The following TOX variants were observed in gnomAD, a reference collection of about 807,000 sequenced individuals.
TOX encodes the protein thymocyte selection associated high mobility group box, also known as thymocyte selection-associated high mobility group box protein TOX.
A neutral mutation model predicts 53.7 loss-of-function variants in TOX; 11 were observed. The observed-to-expected ratio is 0.20, with a 90% CI of 0.13 to 0.34. The LOEUF (loss-of-function observed/expected upper bound fraction) is 0.34, where lower values mean the gene tolerates loss of function less well. TOX is among the 10% of genes least tolerant of loss of function. The pLI is 1.00. For missense variants in TOX, 570 were observed against 664.6 expected, an observed-to-expected ratio of 0.86 and a Z score of 1.56; for synonymous variants, 225 against 245.3, an observed-to-expected ratio of 0.92 and a Z score of 0.77.
intron 1 of TOX, among the ~76,000 whole-genome samples, chr8:58,997,757 T>C (rs1019054740): frequency 3.9e-5 from 6 of 152,218 alleles, no homozygotes; most frequent in African/African-American, 7.2e-5. Context: ...TTATTTATAG[T>C]AGGATTATAC....
chr8:59,048,126 T>C (rs538723864), intron 1 of TOX, among the ~76,000 whole-genome samples: 92 of 152,312 alleles, frequency 6.0e-4, no homozygotes, highest in Admixed American at 1.7e-3. Flanking sequence ...AAGATCAAAA[T>C]GGCCATGATC....
At chr8:59,003,743 T>C (rs1033182376) in intron 1 of TOX, among the ~76,000 whole-genome samples, 1 of 152,246 alleles carries the variant, frequency 6.6e-6, no homozygotes, top group Admixed American at 6.5e-5. Flanking sequence ...TTTTTTATTA[T>C]GAAAACCTTG....
In TOX at chr8:58,815,653, G is replaced by A; in HGVS notation, c.1077C>T (p.Phe359=). 6.2e-7 allele frequency: 1 copy of A among 1,614,132 alleles called. No individual in the cohort carries two copies. Among genetic ancestry groups the A allele is most frequent in the Non-Finnish European group, 8.5e-7 (1 of 1,180,008 alleles). ...CCGAGTGGGCCTGGCTGGGCCCATGGAACACCGACGGCTTCGAATTGATCA... is the reference window on the plus strand; with the variant it reads ...CCGAGTGGGCCTGGCTGGGCCCATGAAACACCGACGGCTTCGAATTGATCA... ...PQLINSKPSV[F]HGPSQAHSAL... The change falls in exon 7 of 9, where the codon TTC becomes TTT. Residue 359 remains phenylalanine (F), a synonymous_variant. Transcript: ENST00000361421.
At chr8:58,988,497 C>T (rs1443669740) in intron 1 of TOX, among the ~76,000 whole-genome samples, 1 of 152,180 alleles carries the variant, frequency 6.6e-6, no homozygotes, top group Non-Finnish European at 1.5e-5. Context: ...ATGCCAACCC[C>T]TGAGCTAAGT....
intron 1 of TOX, among the ~76,000 whole-genome samples, chr8:58,982,490 C>T (rs1376243962): frequency 1.3e-5 from 2 of 152,176 alleles, no homozygotes; most frequent in East Asian, 1.9e-4. Context: ...CTCTTCTTCC[C>T]TCTAAAACTG....
At chr8:58,933,135 A>G (rs1213879742) in intron 3 of TOX, among the ~76,000 whole-genome samples, 1 of 152,196 alleles carries the variant, frequency 6.6e-6, no homozygotes, top group African/African-American at 2.4e-5. Flanking sequence ...CCTTTCTTTG[A>G]GGCCATTCTA....
At chr8:58,820,396 G>A (rs1208913231) in intron 6 of TOX, among the ~76,000 whole-genome samples, 2 of 151,964 alleles carry the variant, frequency 1.3e-5, no homozygotes, top group Admixed American at 6.6e-5. Context: ...GAATCTGATT[G>A]CCTTTATTTA....
chr8:58,861,833 A>G (rs1432764196), intron 3 of TOX, among the ~76,000 whole-genome samples: 2 of 152,202 alleles, frequency 1.3e-5, no homozygotes, highest in African/African-American at 4.8e-5. Flanking sequence ...GCAAAAATAG[A>G]GATGTCAAGT....
chr8:58,836,308 T>C (rs1810544887), intron 5 of TOX, among the ~76,000 whole-genome samples: 1 of 152,110 alleles, frequency 6.6e-6, no homozygotes, highest in Non-Finnish European at 1.5e-5. Context: ...CCAACATCAG[T>C]TGGGAACCAC....
intron 2 of TOX, among the ~76,000 whole-genome samples, chr8:58,949,044 G>A (rs1023660455): frequency 5.3e-5 from 8 of 152,254 alleles, no homozygotes; most frequent in Middle Eastern, 3.4e-3. Flanking sequence ...CTTAGTAGAT[G>A]TATTTACTTA....
At chr8:58,816,884 C>A (rs964304649) in intron 6 of TOX, among the ~76,000 whole-genome samples, 1 of 152,078 alleles carries the variant, frequency 6.6e-6, no homozygotes, top group Non-Finnish European at 1.5e-5. Flanking sequence ...AAACTCAGGC[C>A]GGGTAGCTTC....
intron 1 of TOX, among the ~76,000 whole-genome samples, chr8:58,987,795 G>A (rs965929697): frequency 2.0e-5 from 3 of 152,160 alleles, no homozygotes; most frequent in Non-Finnish European, 4.4e-5. Flanking sequence ...GGCTCACAGA[G>A]GCACTCAGAG....
At chr8:59,030,145 G>C (rs1814328225) in intron 1 of TOX, among the ~76,000 whole-genome samples, 1 of 152,032 alleles carries the variant, frequency 6.6e-6, no homozygotes, top group Non-Finnish European at 1.5e-5. Flanking sequence ...AAATACTAAG[G>C]AGCACAATTT....
At chr8:58,996,760 C>A (rs1372038453) in intron 1 of TOX, among the ~76,000 whole-genome samples, 1 of 152,188 alleles carries the variant, frequency 6.6e-6, no homozygotes, top group Non-Finnish European at 1.5e-5. Context: ...AACTATTCTT[C>A]ATTTAATTAA....
intron 2 of TOX, among the ~76,000 whole-genome samples, chr8:58,947,123 A>G (rs899786407): frequency 3.3e-5 from 5 of 152,166 alleles, no homozygotes; most frequent in African/African-American, 1.2e-4. Context: ...TAACCATGCT[A>G]TTCTAAGTTT....
intron 1 of TOX, among the ~76,000 whole-genome samples, chr8:59,107,054 G>GGGT (rs1554547215): frequency 2.3e-5 from 3 of 128,024 alleles, no homozygotes; most frequent in Admixed American, 7.6e-5. Flanking sequence ...GCTGGGGGGG[G>GGGT]GGGGAACGTG....
At chr8:58,897,216 A>C (rs928411822) in intron 3 of TOX, among the ~76,000 whole-genome samples, 2 of 152,124 alleles carry the variant, frequency 1.3e-5, no homozygotes, top group Non-Finnish European at 2.9e-5. Context: ...GATGATCATC[A>C]TTTTCTCCAA....
intron 3 of TOX, among the ~76,000 whole-genome samples, chr8:58,926,493 G>A (rs1042121421): frequency 1.3e-5 from 2 of 152,182 alleles, no homozygotes; most frequent in African/African-American, 4.8e-5. Flanking sequence ...TGGCTTTTGT[G>A]AAGGCACTGC....
intron 1 of TOX, among the ~76,000 whole-genome samples, chr8:59,105,228 C>T (rs1804880111): frequency 6.6e-6 from 1 of 152,136 alleles, no homozygotes; most frequent in Admixed American, 6.5e-5. Context: ...ATAATGGAAA[C>T]AGTGACACAG....
Sources: allele counts gnomAD v4.1 joint callset (sites outside exome capture counted in the v4.1 genomes callset), GRCh38; gene constraint gnomAD v4.1.1; transcripts MANE v1.5; gene names NCBI Gene and HGNC (gene_info 2026-07-23, HGNC 2026-07-21).